The following ARSH variants were observed in gnomAD, a reference collection of about 807,000 sequenced individuals.
ARSH encodes the protein arylsulfatase family member H, also known as arylsulfatase H.
ARSH carries 32 observed loss-of-function variants against 28.7 expected under a neutral mutation model. The ratio of observed to expected loss-of-function variants is 1.11; its 90% CI spans 0.84 to 1.50. The LOEUF is 1.50. Ranked by LOEUF, ARSH falls within the 40% of genes most tolerant of loss-of-function variation. ARSH has a pLI of 0.00. For synonymous variants in ARSH, 176 were observed against 177.3 expected (o/e 0.99, Z 0.06); for missense variants, 440 against 452.4 (o/e 0.97, Z 0.25).
At chrX:3,016,945 C>T (rs2147455744) in intron 4 of ARSH, among the ~76,000 whole-genome samples, 1 of 110,781 alleles carries the variant, frequency 9.0e-6, no homozygotes. Context: ...CACTGTTTGT[C>T]ACCTTCCTTA....
At chrX:3,028,368 G>C (rs2089904523) in intron 7 of ARSH, among the ~76,000 whole-genome samples, 1 of 108,310 alleles carries the variant, frequency 9.2e-6, no homozygotes, top group Non-Finnish European at 1.9e-5. Context: ...GCGCCACCAT[G>C]CTCAGCTAAT....
intron 5 of ARSH, among the ~76,000 whole-genome samples, chrX:3,019,687 C>G (rs1389849762): frequency 1.8e-5 from 2 of 111,138 alleles, no homozygotes; most frequent in Non-Finnish European, 3.8e-5. Flanking sequence ...TATCAGCCGC[C>G]TCTGTTGACT....
At chrX:3,018,711 G>T (rs1227704507) in intron 5 of ARSH, 41 bp downstream of exon 5, 2 of 1,192,246 alleles carry the variant, frequency 1.7e-6, no homozygotes, top group African/African-American at 3.5e-5. Context: ...CTGAAGTACG[G>T]GCTACAGAAA....
intron 8 of ARSH, among the ~76,000 whole-genome samples, chrX:3,031,373 T>G (rs1202395426): frequency 1.8e-5 from 2 of 112,025 alleles, no homozygotes; most frequent in Non-Finnish European, 3.8e-5. Flanking sequence ...CCTTCCTTTC[T>G]AACATCCTAG....
At chrX:3,018,930 A>T (rs1329520565) in intron 5 of ARSH, among the ~76,000 whole-genome samples, 2 of 111,325 alleles carry the variant, frequency 1.8e-5, no homozygotes, top group Non-Finnish European at 3.8e-5. Context: ...TTTCTGAAAA[A>T]CTCATTGGCA....
At chrX:3,032,413 GA>G (rs748412320) in intron 8 of ARSH, among the ~76,000 whole-genome samples, 1 of 101,406 alleles carries the variant, frequency 9.9e-6, no homozygotes, top group Non-Finnish European at 2.0e-5. Context: ...AGGAAGGAAG[GA>G]AAGGAAGGAA....
chrX:3,010,874 C>G (rs973121773), intron 2 of ARSH, among the ~76,000 whole-genome samples: 1 of 111,701 alleles, frequency 9.0e-6, no homozygotes, highest in Non-Finnish European at 1.9e-5. Flanking sequence ...AGTATACCTG[C>G]CTTCACAGTT....
Position 3,024,160 on chromosome X carries a change from T to C in ARSH, c.1036+5T>C. 2.6e-6 allele frequency: 3 copies of C among 1,174,021 alleles called. No homozygotes were observed. Among genetic ancestry groups the C allele is most frequent in the Non-Finnish European group, 2.3e-6 (2 of 878,696 alleles). ...GCTGGAACGGGATCTACAAAGGTGA[T>C]TGTGTGTAGAGAACCAACGCCTGTC... On this transcript the variant is annotated splice_donor_5th_base_variant and intron_variant, in intron 6 of 8. Coordinates refer to ENST00000381130, the MANE Select transcript of ARSH (RefSeq NM_001011719.2).
At chrX:3,012,126 T>C (rs746345517) in intron 2 of ARSH, among the ~76,000 whole-genome samples, 1 of 112,434 alleles carries the variant, frequency 8.9e-6, no homozygotes, top group East Asian at 2.8e-4. Context: ...CGTAAGCCAC[T>C]GAGCCCGGCC....
At position 3,015,076 on chromosome X, in the gene ARSH, C is replaced by T. The variant is rs766047245; in HGVS notation, c.447C>T (p.Ser149=). The T allele has an allele frequency of 1.2e-5, 15 of 1,208,455 alleles. No individual in the cohort carries two copies. Among genetic ancestry groups the T allele is most frequent in the African/African-American group, 7.0e-5 (4 of 56,968 alleles). The change falls in exon 4 of 9, where the codon AGC becomes AGT. Residue 149 remains serine (S), a synonymous_variant. Coordinates refer to ENST00000381130, the MANE Select transcript of ARSH (RefSeq NM_001011719.2). ...YFYGVPFGLL[S]DCQASKTPEL... ...ACGGGGTGCCTTTTGGACTTTTAAG[C>T]GACTGCCAGGCATCCAAGACACCAG...
rs56954982 is a variant in ARSH at position 3,033,606 on chromosome X, T to C, written c.*221T>C. 6 of 297,752 alleles carry C rather than the reference T, an allele frequency of 2.0e-5. No homozygotes were observed. The highest frequency in any genetic ancestry group is 3.4e-5 in the Non-Finnish European group (6 of 174,808). The allele number at this position is 297,752 out of a possible 1,213,427, so 24.5% of individuals were successfully genotyped here. ...CATTTGTTGTATAATTTTTTTCTAG[T>C]ATATAATTGTGCCATTGCCCAAGGA... On this transcript the variant is annotated 3_prime_UTR_variant, in exon 9 of 9. Coordinates refer to ENST00000381130, the MANE Select transcript of ARSH (RefSeq NM_001011719.2).
At chrX:3,028,085 A>G (rs1013040648) in intron 7 of ARSH, among the ~76,000 whole-genome samples, 3 of 112,047 alleles carry the variant, frequency 2.7e-5, no homozygotes, top group Non-Finnish European at 5.6e-5. Flanking sequence ...CCTGGGTGAC[A>G]GGGTGATGCC....
intron 8 of ARSH, among the ~76,000 whole-genome samples, chrX:3,030,643 C>T (rs2089911390): frequency 9.0e-6 from 1 of 111,664 alleles, no homozygotes; most frequent in Admixed American, 9.6e-5. Flanking sequence ...ACCATCAGAT[C>T]TCGTGAGACT....
At chrX:3,020,501 A>G (rs1272032165) in intron 5 of ARSH, among the ~76,000 whole-genome samples, 7 of 99,213 alleles carry the variant, frequency 7.1e-5, no homozygotes, top group Non-Finnish European at 1.4e-4. Flanking sequence ...AGGCAGGAGA[A>G]TGGCGTGAAC....
rs943421699 is a variant in ARSH at position 3,023,583 on chromosome X, A to G, written c.902-438A>G. ...GTATGTATTGATTGTACATATTACA[A>G]TATATTTTGTTCTATTCCATAATTG... On this transcript the variant is annotated intron_variant, in intron 5 of 8. Coordinates refer to ENST00000381130, the MANE Select transcript of ARSH (RefSeq NM_001011719.2). 2.8e-5 allele frequency among the ~76,000 whole-genome samples: 3 copies of G among 107,057 alleles called. No individual in the cohort carries two copies. The East Asian group carries it at 8.8e-4, about 31-fold the overall frequency. The allele number at this position is 107,057 out of a possible 115,157, so 93.0% of individuals were successfully genotyped here.
In ARSH at chrX:3,019,470, AAG is replaced by A. The variant is rs1320776154; in HGVS notation, c.901+803_901+804del. 3.6e-5 allele frequency among the ~76,000 whole-genome samples: 4 copies of A among 111,201 alleles called. No homozygotes were observed. The Admixed American group carries it at 3.9e-4, about 11-fold the overall frequency. Reference sequence around the variant, plus strand: ...TAAGGATAATAAATGAGCAGGTGGGAAGAGTTACTGTATGCATTCCAGAATAA... The same window carrying A: ...TAAGGATAATAAATGAGCAGGTGGGAAGTTACTGTATGCATTCCAGAATAA... On this transcript the variant is annotated intron_variant, in intron 5 of 8. Transcript: ENST00000381130.
chrX:3,020,315 T>C lies in ARSH; in HGVS notation c.901+1645T>C, dbSNP rs1433723781. ...AAAAAAAAAAAAAAAAGAGGCCGAG[T>C]GCGGTGGCTCACGCCTGTAATCCCA... On this transcript the variant is annotated intron_variant, in intron 5 of 8. Transcript: ENST00000381130. Among the ~76,000 whole-genome samples, 58 of 72,230 alleles carry C rather than the reference T, an allele frequency of 8.0e-4. 1 individual carries two copies. The South Asian group carries it at 0.022, about 28-fold the overall frequency. The allele number at this position is 72,230 out of a possible 115,157, so 62.7% of individuals were successfully genotyped here.
rs12388937 is a variant in ARSH, at chrX:3,023,925, C to T, written c.902-96C>T. ...CGTGTAGTGCAGAATAACATTGAAA[C>T]GCTATGTGTAATAAATACATAGTAG... On this transcript the variant is annotated intron_variant, in intron 5 of 8. Transcript: ENST00000381130. 2,454 of 970,358 alleles carry T rather than the reference C, an allele frequency of 2.5e-3. 36 individuals carry two copies. The African/African-American group carries it at 0.042, about 17-fold the overall frequency. The allele number at this position is 970,358 out of a possible 1,213,427, so 80.0% of individuals were successfully genotyped here.
intron 3 of ARSH, 91 bp downstream of exon 3, chrX:3,013,263 C>A: frequency 2.0e-6 from 2 of 1,024,741 alleles, no homozygotes; most frequent in South Asian, 2.5e-5. Flanking sequence ...TGGCTTTGTG[C>A]GCGCCAGTTT....
Sources: gnomAD v4.1 joint callset for allele counts (sites outside exome capture counted in the v4.1 genomes callset) on GRCh38, gnomAD v4.1.1 for gene constraint, MANE v1.5 for transcripts, NCBI Gene and HGNC (gene_info 2026-07-23, HGNC 2026-07-21) for gene names.